Variants in PLCH1 observed in about 807,000 individuals in gnomAD.
PLCH1 encodes phospholipase C eta 1.
In PLCH1, 60 loss-of-function variants were observed where a neutral mutation model predicts 126.7. The observed-to-expected ratio is 0.47, with a 90% CI of 0.38 to 0.59. PLCH1 has a LOEUF of 0.59. Ranked by LOEUF, PLCH1 falls within the 20% of genes least tolerant of loss-of-function variation. PLCH1 has a pLI of 0.00. For missense variants in PLCH1, 1,723 were observed against 2,040.0 expected, an observed-to-expected ratio of 0.84 and a Z score of 2.99; for synonymous variants, 719 against 734.9, an observed-to-expected ratio of 0.98 and a Z score of 0.35.
intron 4 of PLCH1, among the ~76,000 whole-genome samples, chr3:155,591,584 A>G (rs2108632790): frequency 6.6e-6 from 1 of 152,344 alleles, no homozygotes; most frequent in South Asian, 2.1e-4. Flanking sequence ...TTTTGCTTTG[A>G]AAAAATACTT....
intron 2 of PLCH1, among the ~76,000 whole-genome samples, chr3:155,675,235 G>A (rs1743975264): frequency 1.3e-5 from 2 of 152,268 alleles, no homozygotes; most frequent in African/African-American, 2.4e-5. Flanking sequence ...TTGAGTAGAC[G>A]CATATGAATA....
rs142983557 is a variant in PLCH1, at chr3:155,489,190, T to G, written c.2393-384A>C. Among the ~76,000 whole-genome samples the G allele has an allele frequency of 2.7e-3, 415 of 152,316 alleles. 1 individual carries two copies. The highest frequency in any genetic ancestry group is 0.015 in the South Asian group (71 of 4,820). On this transcript the variant is annotated intron_variant, in intron 19 of 22. Transcript: ENST00000460012. Reference sequence around the variant, plus strand: ...TCCTCTCCCAACAGAATTATGCTTCTCATGCACCAAAGATCCTGCTGCTGT... The same window carrying G: ...TCCTCTCCCAACAGAATTATGCTTCGCATGCACCAAAGATCCTGCTGCTGT...
chr3:155,712,572 C>T (rs932272817), intron 1 of PLCH1, among the ~76,000 whole-genome samples: 2 of 151,856 alleles, frequency 1.3e-5, no homozygotes, highest in South Asian at 2.1e-4. Flanking sequence ...AAAGGTAAAT[C>T]TTTAAAAGAT....
At chr3:155,551,329 C>T (rs1726080519) in intron 9 of PLCH1, among the ~76,000 whole-genome samples, 2 of 151,530 alleles carry the variant, frequency 1.3e-5, no homozygotes, top group African/African-American at 4.9e-5. Flanking sequence ...CCGGTAATCC[C>T]AGATACTCAG....
In PLCH1 at chr3:155,643,497, C is replaced by T. The variant is rs114362076; in HGVS notation, c.80-47119G>A. 1.6e-3 allele frequency among the ~76,000 whole-genome samples: 242 copies of T among 152,294 alleles called. 2 individuals carry two copies. The highest frequency in any genetic ancestry group is 5.6e-3 in the African/African-American group (232 of 41,570). Reference sequence around the variant, plus strand: ...TCACAGAAACTATAAGTGATAACAACCAGTTATTAATTTTAGGGTAATTTG... The same window carrying T: ...TCACAGAAACTATAAGTGATAACAATCAGTTATTAATTTTAGGGTAATTTG... On this transcript the variant is annotated intron_variant, in intron 2 of 22. Coordinates refer to ENST00000460012, the MANE Select transcript of PLCH1 (RefSeq NM_014996.4).
intron 10 of PLCH1, among the ~76,000 whole-genome samples, chr3:155,540,026 GGT>G (rs1252767040): frequency 2.6e-5 from 1 of 38,292 alleles, no homozygotes; most frequent in Non-Finnish European, 1.3e-4. Flanking sequence ...GCATGGTACT[GGT>G]ATATAAAAAT....
At chr3:155,604,433 G>A (rs1428398276) in intron 2 of PLCH1, among the ~76,000 whole-genome samples, 1 of 152,004 alleles carries the variant, frequency 6.6e-6, no homozygotes, top group Non-Finnish European at 1.5e-5. Context: ...TTATTTAAAA[G>A]GCTTTTAAAA....
intron 21 of PLCH1, among the ~76,000 whole-genome samples, chr3:155,471,691 A>T (rs1318173491): frequency 6.7e-6 from 1 of 149,812 alleles, no homozygotes; most frequent in African/African-American, 2.5e-5. Flanking sequence ...AGCTCTCCTC[A>T]GCAAATGTAA....
chr3:155,695,501 G>A lies in PLCH1; in HGVS notation c.79+8645C>T, dbSNP rs146147030. Among the ~76,000 whole-genome samples, 1,490 of 152,292 alleles carry A rather than the reference G, an allele frequency of 9.8e-3. 18 individuals carry two copies. The highest frequency in any genetic ancestry group is 0.033 in the African/African-American group (1,377 of 41,564). On this transcript the variant is annotated intron_variant, in intron 2 of 22. Coordinates refer to ENST00000460012, the MANE Select transcript of PLCH1 (RefSeq NM_014996.4). Reference sequence around the variant, plus strand: ...CAGAGAGTGCAAAAATAGTGAAACCGCTCTTATCTCCCCTATTAAATAAAA... The same window carrying A: ...CAGAGAGTGCAAAAATAGTGAAACCACTCTTATCTCCCCTATTAAATAAAA...
At chr3:155,710,320 T>C (rs1747010186) in intron 1 of PLCH1, among the ~76,000 whole-genome samples, 1 of 152,166 alleles carries the variant, frequency 6.6e-6, no homozygotes, top group Non-Finnish European at 1.5e-5. Flanking sequence ...AAAATGTATT[T>C]TGGACAAGAG....
chr3:155,510,715 C>G (rs1476350144), intron 12 of PLCH1, among the ~76,000 whole-genome samples: 3 of 98,236 alleles, frequency 3.1e-5, no homozygotes, highest in Middle Eastern at 4.1e-3. Flanking sequence ...GGGTTTCTGC[C>G]GAGAGATCCG....
At chr3:155,646,797 G>GT (rs1740113351) in intron 2 of PLCH1, among the ~76,000 whole-genome samples, 1 of 152,050 alleles carries the variant, frequency 6.6e-6, no homozygotes. Context: ...CCAAGCTCAC[G>GT]CTCTCTATAC....
rs1054181755 is a variant in PLCH1 at position 155,547,702 on chromosome 3, A to G, written c.1362+2085T>C. ...TGGCACATATACAACATAGAATACT[A>G]TGCAGCCATAAAAAATGATGAGTTC... On this transcript the variant is annotated intron_variant, in intron 10 of 22. Coordinates refer to ENST00000460012, the MANE Select transcript of PLCH1 (RefSeq NM_014996.4). Among the ~76,000 whole-genome samples, 72 of 152,110 alleles carry G rather than the reference A, an allele frequency of 4.7e-4. 1 individual carries two copies. The highest frequency in any genetic ancestry group is 1.6e-3 in the African/African-American group (66 of 41,524).
rs934318688 is a variant in PLCH1, at chr3:155,566,736, A to G, written c.865+1495T>C. On this transcript the variant is annotated intron_variant, in intron 7 of 22. Transcript: ENST00000460012. ...AGAAAACCCTATCAGTTTTTTTACA[A>G]TCTTTCAAAATATAATGCCTGGGTC... Among the ~76,000 whole-genome samples, 9 of 152,286 alleles carry G rather than the reference A, an allele frequency of 5.9e-5. No individual in the cohort carries two copies. The East Asian group carries it at 1.2e-3, about 20-fold the overall frequency.
intron 10 of PLCH1, among the ~76,000 whole-genome samples, chr3:155,527,344 A>G (rs1280493441): frequency 6.6e-6 from 1 of 152,178 alleles, no homozygotes; most frequent in Non-Finnish European, 1.5e-5. Flanking sequence ...TCTGCACAGC[A>G]CTATTACCCC....
chr3:155,586,230 T>C, intron 4 of PLCH1, 36 bp from the exon 5 acceptor site: 1 of 1,605,726 alleles, frequency 6.2e-7, no homozygotes, highest in Non-Finnish European at 8.5e-7. Context: ...TGTGCTCTCA[T>C]CAAAATTAAA....
At chr3:155,541,012 T>C (rs144838537) in intron 10 of PLCH1, among the ~76,000 whole-genome samples, 1,787 of 152,124 alleles carry the variant, frequency 0.012, 40 homozygotes, top group African/African-American at 0.041. Context: ...AACGAGTGGA[T>C]AAAGAAAATG....
At chr3:155,527,123 C>A (rs1259790674) in intron 10 of PLCH1, among the ~76,000 whole-genome samples, 1 of 152,186 alleles carries the variant, frequency 6.6e-6, no homozygotes, top group Non-Finnish European at 1.5e-5. Context: ...TTGGTGGCTT[C>A]TAGATGGGGG....
intron 12 of PLCH1, among the ~76,000 whole-genome samples, chr3:155,512,750 CT>C (rs1719765831): frequency 6.6e-6 from 1 of 152,182 alleles, no homozygotes; most frequent in Admixed American, 6.5e-5. Context: ...GGGCTATTAT[CT>C]CTGAATTTGA....
Sources: allele counts gnomAD v4.1 joint callset (sites outside exome capture counted in the v4.1 genomes callset), GRCh38; gene constraint gnomAD v4.1.1; transcripts MANE v1.5; gene names NCBI Gene and HGNC (gene_info 2026-07-23, HGNC 2026-07-21).